Variants in CAMK1 observed in about 807,000 individuals in gnomAD.
CAMK1 encodes the protein calcium/calmodulin-dependent protein kinase type 1.
CAMK1 carries 39 observed loss-of-function variants against 49.1 expected under a neutral mutation model. That is an observed-to-expected ratio of 0.79 (90% CI 0.62 to 1.04). The LOEUF is 1.04. Among genes scored for constraint, CAMK1 ranks in the 50% least tolerant of loss-of-function variants. The probability of loss-of-function intolerance (pLI) is 0.00; values close to 1 mark genes in which losing one functional copy is unlikely to be tolerated. For missense variants in CAMK1, 457 were observed against 472.2 expected, an observed-to-expected ratio of 0.97 and a Z score of 0.30; for synonymous variants, 192 against 185.2, an observed-to-expected ratio of 1.04 and a Z score of -0.30.
chr3:9,765,983 T>G, intron 2 of CAMK1, 93 bp from the exon 3 acceptor site: 1 of 1,614,230 alleles, frequency 6.2e-7, no homozygotes, highest in East Asian at 2.2e-5. Context: ...TGACCACTGC[T>G]GGACCAAGGA....
At chr3:9,766,899 C>G (rs956183170) in intron 2 of CAMK1, among the ~76,000 whole-genome samples, 2 of 152,118 alleles carry the variant, frequency 1.3e-5, no homozygotes, top group African/African-American at 4.8e-5. Flanking sequence ...AAGTGTCTCC[C>G]GGTGGCCTAT....
chr3:9,766,157 G>T, intron 2 of CAMK1: 1 of 965,502 alleles, frequency 1.0e-6, no homozygotes, highest in Admixed American at 2.0e-5. Context: ...CTGTTGAGCT[G>T]GTAGGATGTA....
chr3:9,761,577 C>T (rs756037100), intron 6 of CAMK1, 41 bp from the exon 7 acceptor site: 1 of 1,613,198 alleles, frequency 6.2e-7, no homozygotes, highest in Non-Finnish European at 8.5e-7. Flanking sequence ...AATCTCTGCC[C>T]TTCAACTCCT....
At chr3:9,763,421 A>C (rs1160656311) in intron 3 of CAMK1, among the ~76,000 whole-genome samples, 1 of 150,622 alleles carries the variant, frequency 6.6e-6, no homozygotes, top group Non-Finnish European at 1.5e-5. Flanking sequence ...AAAAAAAAAA[A>C]ACAGCGGTTT....
chr3:9,763,489 A>G (rs1326751805), intron 3 of CAMK1, among the ~76,000 whole-genome samples: 1 of 151,848 alleles, frequency 6.6e-6, no homozygotes, highest in East Asian at 1.9e-4. Context: ...ATACCTGGGT[A>G]GGACAAACCA....
intron 2 of CAMK1, chr3:9,766,235 A>T: frequency 1.4e-6 from 1 of 718,032 alleles, no homozygotes; most frequent in Non-Finnish European, 2.5e-6. Flanking sequence ...TGAAATTAAC[A>T]CAAAGGAAGT....
rs752676650 is a variant in CAMK1 at position 9,767,725 on chromosome 3, T to C, written c.25A>G (p.Arg9Gly). ...CTAATGTCCTCCGCCTGCTTCCACC[T>C]GGGGCCTTCCACTGCCCCCAGCATG... Reference protein sequence around the residue: MLGAVEGPRWKQAEDIRDI... With the variant: MLGAVEGPGWKQAEDIRDI... Residue 9 changes from arginine (R) to glycine (G), a missense_variant, in exon 2 of 12, where the codon AGG (arginine) becomes GGG (glycine). Arg to Gly is a moderately radical substitution (Grantham distance 125). Transcript: ENST00000256460. 1.1e-5 allele frequency: 18 copies of C among 1,614,002 alleles called. No individual in the cohort carries two copies. In the African/African-American group the frequency reaches 2.4e-4, roughly 22 times the overall value.
chr3:9,759,041 T>G (rs2077720974), intron 10 of CAMK1: 5 of 745,672 alleles, frequency 6.7e-6, no homozygotes, highest in Non-Finnish European at 1.2e-5. Context: ...CTAAGAGGCC[T>G]GGCCCCTTAC....
intron 10 of CAMK1, chr3:9,758,152 C>T (rs940631689): frequency 3.2e-5 from 7 of 218,396 alleles, no homozygotes; most frequent in South Asian, 1.1e-4. Flanking sequence ...AAGCACTTTA[C>T]GTAGTAATTC....
At position 9,765,451 on chromosome 3, in the gene CAMK1, A is replaced by G. The variant is rs139940973; in HGVS notation, c.215+308T>C. On this transcript the variant is annotated intron_variant, in intron 3 of 11. Coordinates refer to ENST00000256460, the MANE Select transcript of CAMK1 (RefSeq NM_003656.5). ...GGGAACTTGAGGTAGGTCCAGAGACAACACCAACTGAGATATGTGGGTCCA... is the reference window on the plus strand; with the variant it reads ...GGGAACTTGAGGTAGGTCCAGAGACGACACCAACTGAGATATGTGGGTCCA... Among the ~76,000 whole-genome samples the G allele has an allele frequency of 7.7e-4, 117 of 152,274 alleles. 1 individual carries two copies. Among genetic ancestry groups the G allele is most frequent in the African/African-American group, 2.7e-3 (114 of 41,544 alleles).
chr3:9,764,617 G>GTTTTTT (rs202012854), intron 3 of CAMK1, among the ~76,000 whole-genome samples: 10 of 93,416 alleles, frequency 1.1e-4, no homozygotes, highest in South Asian at 3.8e-4. Context: ...TGGCGTTTTT[G>GTTTTTT]TTTTTTTTTT....
intron 1 of CAMK1, 126 bp from the exon 2 acceptor site, chr3:9,767,907 A>G: frequency 7.5e-7 from 1 of 1,325,670 alleles, no homozygotes; most frequent in Non-Finnish European, 9.9e-7. Flanking sequence ...TGACAAAATC[A>G]TTCAACAAAC....
Position 9,767,771 on chromosome 3 carries a change from A to T in CAMK1, c.-22T>A. The T allele has an allele frequency of 6.2e-7, 1 of 1,613,556 alleles. No homozygotes were observed. Among genetic ancestry groups the T allele is most frequent in the Non-Finnish European group, 8.5e-7 (1 of 1,179,912 alleles). On this transcript the variant is annotated 5_prime_UTR_variant, in exon 2 of 12. Transcript: ENST00000256460. ...GCATGGCCCACTGCCCCCCGACCACAGCCAGGGCTCCTGTAAGGAGAATGG... is the reference window on the plus strand; with the variant it reads ...GCATGGCCCACTGCCCCCCGACCACTGCCAGGGCTCCTGTAAGGAGAATGG...
chr3:9,763,420 A>C (rs982206700), intron 3 of CAMK1, among the ~76,000 whole-genome samples: 6 of 151,776 alleles, frequency 4.0e-5, no homozygotes, highest in African/African-American at 1.5e-4. Flanking sequence ...AAAAAAAAAA[A>C]AACAGCGGTT....
chr3:9,761,345 AGGAAGGGAGGGAG>A, intron 7 of CAMK1, 103 bp downstream of exon 7: 2 of 1,026,904 alleles, frequency 1.9e-6, no homozygotes, highest in South Asian at 1.6e-5. Flanking sequence ...GATTGGTGGA[AGGAAGGGAGGGAG>A]GGAAGGAAGG....
rs71049801 is a variant in CAMK1 at position 9,765,226 on chromosome 3, C to CA, written c.215+532dup. 6.6e-3 allele frequency among the ~76,000 whole-genome samples: 767 copies of CA among 116,380 alleles called. 2 individuals carry two copies. The highest frequency in any genetic ancestry group is 0.023 in the East Asian group (97 of 4,162). 76.3% of individuals were successfully genotyped at this position (116,380 alleles called of 152,430 possible). A position where few individuals can be genotyped will look rare whatever the true frequency, so the allele number is the denominator to read the frequency against. Reference sequence around the variant, plus strand: ...GGGGCAACAGAGTGAGACTCCATCTCAAAAAAAAAAAAAAAATTATCTGCC... The same window carrying CA: ...GGGGCAACAGAGTGAGACTCCATCTCAAAAAAAAAAAAAAAAATTATCTGCC... On this transcript the variant is annotated intron_variant, in intron 3 of 11. Transcript: ENST00000256460.
At chr3:9,761,415 A>G in intron 7 of CAMK1, 46 bp downstream of exon 7, 1 of 1,567,372 alleles carries the variant, frequency 6.4e-7, no homozygotes, top group Non-Finnish European at 8.7e-7. Flanking sequence ...AGTAGGCGAG[A>G]GGACAACTCT....
At chr3:9,762,147 A>G (rs1397993410) in intron 5 of CAMK1, 2 of 175,896 alleles carry the variant, frequency 1.1e-5, no homozygotes, top group African/African-American at 2.4e-5. Flanking sequence ...GACTCACCCA[A>G]GAACCCACAG....
Position 9,757,593 on chromosome 3 carries a change from G to C in CAMK1, c.1059C>G (p.Asp353Glu). The change falls in exon 12 of 12, where the codon GAC becomes GAG. Residue 353 changes from aspartate (D) to glutamate (E), a missense_variant. Transcript: ENST00000256460. This position sits in a 1 kb window ranked among gnomAD's most constrained non-coding sequence, Gnocchi z 4.5. ...GGPAAGCCCR[D>E]CCVEPGTELS... ...GTTCTGTGCCCGGCTCCACGCAGCAGTCTCGACAGCAACAGCCAGCTGCCG... is the reference window on the plus strand; with the variant it reads ...GTTCTGTGCCCGGCTCCACGCAGCACTCTCGACAGCAACAGCCAGCTGCCG... 3.1e-6 allele frequency: 5 copies of C among 1,614,186 alleles called. No homozygotes were observed. The highest frequency in any genetic ancestry group is 4.2e-6 in the Non-Finnish European group (5 of 1,180,032).
Sources: gnomAD v4.1 joint callset for allele counts (sites outside exome capture counted in the v4.1 genomes callset) on GRCh38, gnomAD v4.1.1 for gene constraint, Gnocchi (gnomAD v3.1) non-coding constraint, MANE v1.5 for transcripts, NCBI Gene and HGNC (gene_info 2026-07-23, HGNC 2026-07-21) for gene names.